The following PEAK1 variants were observed in gnomAD, a reference collection of about 807,000 sequenced individuals.
The protein encoded by PEAK1 is pseudopodium enriched atypical kinase 1, also known as inactive tyrosine-protein kinase PEAK1.
PEAK1 carries 54 observed loss-of-function variants against 124.7 expected under a neutral mutation model. The ratio of observed to expected loss-of-function variants is 0.43; its 90% CI spans 0.35 to 0.54. The LOEUF (loss-of-function observed/expected upper bound fraction) is 0.54. Ranked by LOEUF, PEAK1 falls within the 20% of genes least tolerant of loss-of-function variation. PEAK1 has a pLI of 0.01. For missense variants in PEAK1, 2,046 were observed against 2,134.5 expected, an observed-to-expected ratio of 0.96 and a Z score of 0.82; for synonymous variants, 719 against 760.0, an observed-to-expected ratio of 0.95 and a Z score of 0.89.
intron 9 of PEAK1, among the ~76,000 whole-genome samples, chr15:77,116,726 ATC>A (rs2051418797): frequency 6.6e-6 from 1 of 151,834 alleles, no homozygotes; most frequent in South Asian, 2.1e-4. Flanking sequence ...CTATCTATCT[ATC>A]TATCTATCTA....
At chr15:77,390,072 A>T (rs1386533794) in intron 1 of PEAK1, among the ~76,000 whole-genome samples, 3 of 152,200 alleles carry the variant, frequency 2.0e-5, no homozygotes, top group Non-Finnish European at 4.4e-5. Flanking sequence ...TCATTTGACA[A>T]ATGAAAGAAA....
intron 2 of PEAK1, among the ~76,000 whole-genome samples, chr15:77,330,451 TTCTCA>T (rs1344603294): frequency 6.6e-6 from 1 of 151,932 alleles, no homozygotes; most frequent in Non-Finnish European, 1.5e-5. Context: ...CTACAATGGC[TTCTCA>T]TCTCATCAAT....
At chr15:77,334,407 G>T in intron 2 of PEAK1, 1 of 985,184 alleles carries the variant, frequency 1.0e-6, no homozygotes, top group South Asian at 4.7e-5. Flanking sequence ...CCAGATGAAG[G>T]TCTCCCATCT....
intron 2 of PEAK1, chr15:77,347,319 C>A (rs1436537177): frequency 1.0e-6 from 1 of 985,046 alleles, no homozygotes; most frequent in Non-Finnish European, 1.2e-6. Flanking sequence ...CACCAGGAAA[C>A]CTTCAACAAA....
chr15:77,392,194 C>T (rs2070522831), intron 1 of PEAK1, among the ~76,000 whole-genome samples: 1 of 152,152 alleles, frequency 6.6e-6, no homozygotes, highest in Non-Finnish European at 1.5e-5. Context: ...CAAAACTGAA[C>T]TAAAAATCAG....
intron 2 of PEAK1, among the ~76,000 whole-genome samples, chr15:77,325,571 A>G (rs1468186768): frequency 6.6e-6 from 1 of 152,174 alleles, no homozygotes; most frequent in Non-Finnish European, 1.5e-5. Flanking sequence ...GAAAAGCCAG[A>G]AACAGTTCAT....
At chr15:77,396,721 T>C (rs1051383573) in intron 1 of PEAK1, among the ~76,000 whole-genome samples, 1 of 152,098 alleles carries the variant, frequency 6.6e-6, no homozygotes, top group Non-Finnish European at 1.5e-5. Context: ...AGCAATTAGA[T>C]ATAACAATTG....
chr15:77,329,972 C>G (rs896310791), intron 2 of PEAK1, among the ~76,000 whole-genome samples: 2 of 152,048 alleles, frequency 1.3e-5, no homozygotes, highest in East Asian at 3.9e-4. Flanking sequence ...GACCTATTCA[C>G]CCTCTGAATC....
At chr15:77,345,336 A>C (rs1189132397) in intron 2 of PEAK1, among the ~76,000 whole-genome samples, 1 of 152,170 alleles carries the variant, frequency 6.6e-6, no homozygotes, top group Middle Eastern at 3.2e-3. Flanking sequence ...ATAGCTTTGT[A>C]AGGCATATCT....
intron 6 of PEAK1, among the ~76,000 whole-genome samples, chr15:77,184,918 G>A (rs998348651): frequency 1.3e-5 from 2 of 152,074 alleles, no homozygotes. Context: ...CTTAAAAAAA[G>A]TGAATTTTAC....
rs1158047754 is a variant in PEAK1 at position 77,346,356 on chromosome 15, T to C, written c.-603+18807A>G. 7.1e-6 allele frequency: 7 copies of C among 983,610 alleles called. No homozygotes were observed. The Admixed American group carries it at 3.1e-4, about 43-fold the overall frequency. The allele number at this position is 983,610 out of a possible 1,614,324, so 60.9% of individuals were successfully genotyped here. ...TAACTCATTTTGTAAACCTGGAATTTGTTCCTGTTCTATAATCCCAGACAG... is the reference window on the plus strand; with the variant it reads ...TAACTCATTTTGTAAACCTGGAATTCGTTCCTGTTCTATAATCCCAGACAG... On this transcript the variant is annotated intron_variant, in intron 2 of 9. Coordinates refer to ENST00000682557, the MANE Select transcript of PEAK1 (RefSeq NM_001385026.1).
At chr15:77,153,777 C>A (rs1183429648) in intron 8 of PEAK1, among the ~76,000 whole-genome samples, 1 of 152,158 alleles carries the variant, frequency 6.6e-6, no homozygotes, top group Non-Finnish European at 1.5e-5. Flanking sequence ...TGTTCAGTTT[C>A]CATGCAGTTG....
At chr15:77,317,080 C>G (rs1235918671) in intron 2 of PEAK1, among the ~76,000 whole-genome samples, 2 of 151,778 alleles carry the variant, frequency 1.3e-5, no homozygotes, top group African/African-American at 4.8e-5. Flanking sequence ...GACTCTGTCT[C>G]AAATAAATAA....
chr15:77,336,026 T>C lies in PEAK1; in HGVS notation c.-603+29137A>G, dbSNP rs1052411942. 5 of 985,190 alleles carry C rather than the reference T, an allele frequency of 5.1e-6. No homozygotes were observed. In the African/African-American group the frequency reaches 8.7e-5, roughly 17 times the overall value. 61.0% of individuals were successfully genotyped at this position (985,190 alleles called of 1,614,324 possible). On this transcript the variant is annotated intron_variant, in intron 2 of 9. Transcript: ENST00000682557. ...GAGTTAATAGACCCAGGTATCTCTG[T>C]GTCTTAATTTTTGAAGGTAAGATAA...
chr15:77,402,342 G>A, intron 1 of PEAK1: 1 of 985,222 alleles, frequency 1.0e-6, no homozygotes, highest in African/African-American at 1.7e-5. Flanking sequence ...AATAAATCAA[G>A]GGAAAAGAGG....
chr15:77,277,337 A>G (rs1260913476), intron 5 of PEAK1, among the ~76,000 whole-genome samples: 1 of 152,116 alleles, frequency 6.6e-6, no homozygotes, highest in Non-Finnish European at 1.5e-5. Flanking sequence ...GTGTGACTAT[A>G]AAGAGGCAGC....
At position 77,108,978 on chromosome 15, in the gene PEAK1, A is replaced by G. The variant is rs1308695321; in HGVS notation, c.*5178T>C. 1 of 152,124 alleles carries G rather than the reference A, an allele frequency of 6.6e-6. No individual in the cohort carries two copies. The highest frequency in any genetic ancestry group is 1.5e-5 in the Non-Finnish European group (1 of 68,028). The allele number at this position is 152,124 out of a possible 1,614,324, so 9.4% of individuals were successfully genotyped here. ...AGTGGTTGATGCAAAAATCTATTCT[A>G]ATTTTAAACAGTTGCAGGGAGGGGG... On this transcript the variant is annotated 3_prime_UTR_variant, in exon 10 of 10. Coordinates refer to ENST00000682557, the MANE Select transcript of PEAK1 (RefSeq NM_001385026.1).
intron 9 of PEAK1, among the ~76,000 whole-genome samples, chr15:77,127,195 C>T (rs1398649153): frequency 2.0e-5 from 3 of 152,188 alleles, no homozygotes; most frequent in African/African-American, 7.2e-5. Context: ...GAGAAGAAGG[C>T]TATCTGTAAG....
chr15:77,189,868 G>T (rs1316127650), intron 6 of PEAK1, among the ~76,000 whole-genome samples: 2 of 152,090 alleles, frequency 1.3e-5, no homozygotes, highest in East Asian at 3.9e-4. Flanking sequence ...GCTAAATTAG[G>T]GAGTCACAGC....
Sources: allele counts gnomAD v4.1 joint callset (sites outside exome capture counted in the v4.1 genomes callset), GRCh38; gene constraint gnomAD v4.1.1; transcripts MANE v1.5; gene names NCBI Gene and HGNC (gene_info 2026-07-23, HGNC 2026-07-21).